Variants in CUX1 observed in about 807,000 individuals in gnomAD.
The protein encoded by CUX1 is cut like homeobox 1.
Under a neutral mutation model 158.8 loss-of-function variants are expected in CUX1, and 31 were observed. That is an observed-to-expected ratio of 0.20 (90% CI 0.15 to 0.26). The LOEUF (loss-of-function observed/expected upper bound fraction) is 0.26. CUX1 is among the 10% of genes least tolerant of loss of function. The pLI is 1.00. For synonymous variants in CUX1, 879 were observed against 862.1 expected (o/e 1.02, Z -0.34); for missense variants, 1,589 against 2,014.6 (o/e 0.79, Z 4.04).
At chr7:102,098,726 T>G (rs974677686) in intron 5 of CUX1, among the ~76,000 whole-genome samples, 2 of 150,464 alleles carry the variant, frequency 1.3e-5, no homozygotes, top group Admixed American at 1.3e-4. Context: ...CTGCAAGCTC[T>G]GCCTCCCGGG....
At chr7:101,816,186 G>C (rs868087652), upstream of CUX1, 1,352 of 493,496 alleles carry the variant, frequency 2.7e-3, 12 homozygotes, top group African/African-American at 0.028. Context: ...CCCAGCCGCC[G>C]GGGGGCCCGC....
At chr7:102,002,347 T>G (rs1257909150) in intron 2 of CUX1, among the ~76,000 whole-genome samples, 1 of 152,174 alleles carries the variant, frequency 6.6e-6, no homozygotes, top group East Asian at 1.9e-4. Context: ...GTTGCAACTT[T>G]TGCACATCAC....
chr7:102,099,818 C>G (rs1166578020), intron 5 of CUX1, among the ~76,000 whole-genome samples: 1 of 152,034 alleles, frequency 6.6e-6, no homozygotes, highest in Non-Finnish European at 1.5e-5. Flanking sequence ...CAGGATTGTC[C>G]TTCCCTTCTC....
intron 14 of CUX1, among the ~76,000 whole-genome samples, chr7:102,271,877 C>T (rs1210615204): frequency 6.6e-6 from 1 of 152,182 alleles, no homozygotes; most frequent in Non-Finnish European, 1.5e-5. Context: ...CAAAAATTAA[C>T]TGGGCACGGT....
intron 1 of CUX1, among the ~76,000 whole-genome samples, chr7:101,853,943 C>T (rs903748161): frequency 2.0e-5 from 3 of 152,236 alleles, no homozygotes; most frequent in African/African-American, 7.2e-5. Context: ...GCCCGGCCTC[C>T]AAGTCCTGCA....
intron 20 of CUX1, among the ~76,000 whole-genome samples, chr7:102,221,257 T>C (rs1217490471): frequency 1.3e-5 from 2 of 152,274 alleles, no homozygotes; most frequent in Non-Finnish European, 2.9e-5. Context: ...TGTCATTTTG[T>C]TTCAGCAACT....
Position 102,203,459 on chromosome 7 carries a change from C to G in CUX1, c.2908-932C>G, listed in dbSNP as rs1463303991. On this transcript the variant is annotated intron_variant, in intron 18 of 23. Coordinates refer to ENST00000292535, the MANE Select transcript of CUX1 (RefSeq NM_181552.4). ...AATCCCGGTGGTGTCCGATGGCGAA[C>G]TTTGCCCTGATTTTGCAAAAGGTGA... is the stretch of plus-strand genomic sequence containing the variant. 3.9e-5 allele frequency among the ~76,000 whole-genome samples: 6 copies of G among 152,178 alleles called. No individual in the cohort carries two copies. In the East Asian group the frequency reaches 9.7e-4, roughly 24 times the overall value.
intron 10 of CUX1, among the ~76,000 whole-genome samples, chr7:102,175,367 C>A (rs976878215): frequency 1.3e-5 from 2 of 152,204 alleles, no homozygotes; most frequent in Non-Finnish European, 2.9e-5. Flanking sequence ...ATGGCCAGCA[C>A]CCCTCAGGGT....
chr7:101,848,297 G>A (rs976363167), intron 1 of CUX1, among the ~76,000 whole-genome samples: 1 of 151,964 alleles, frequency 6.6e-6, no homozygotes, highest in African/African-American at 2.4e-5. Flanking sequence ...ACCCAGCTCA[G>A]TTGGCATAAT....
At position 102,077,961 on chromosome 7, in the gene CUX1, T is replaced by C. The variant is rs1016025142; in HGVS notation, c.268+7544T>C. Among the ~76,000 whole-genome samples, 5 of 152,336 alleles carry C rather than the reference T, an allele frequency of 3.3e-5. No individual in the cohort carries two copies. In the East Asian group the frequency reaches 9.6e-4, roughly 29 times the overall value. ...TAGTAAAATATTCAACTTGCAATCT[T>C]AGTTTCTGAATAGGCCTTATTAATG... On this transcript the variant is annotated intron_variant, in intron 4 of 23. Coordinates refer to ENST00000292535, the MANE Select transcript of CUX1 (RefSeq NM_181552.4).
chr7:102,257,344 TTCTC>T lies in CUX1; in HGVS notation c.*8309_*8312del, dbSNP rs1554542394. On this transcript the variant is annotated 3_prime_UTR_variant, in exon 24 of 24. Coordinates refer to ENST00000292535, the MANE Select transcript of CUX1 (RefSeq NM_181552.4). ...ATTTTTCTCTAATTAGTCTATGCATTTCTCTCTCTCAAACCATCTTCTGCCTCTT... is the reference window on the plus strand; with the variant it reads ...ATTTTTCTCTAATTAGTCTATGCATTTCTCTCAAACCATCTTCTGCCTCTT... The T allele has an allele frequency of 2.0e-6, 2 of 984,814 alleles. No individual in the cohort carries two copies. Among genetic ancestry groups the T allele is most frequent in the Non-Finnish European group, 2.4e-6 (2 of 829,806 alleles). 61.0% of individuals were successfully genotyped at this position (984,814 alleles called of 1,614,324 possible).
In CUX1 at chr7:101,855,453, T is replaced by C. The variant is rs112870920; in HGVS notation, c.30+37784T>C. Among the ~76,000 whole-genome samples the C allele has an allele frequency of 3.5e-4, 53 of 152,290 alleles. 2 individuals carry two copies. Among genetic ancestry groups the C allele is most frequent in the African/African-American group, 1.2e-3 (49 of 41,566 alleles). ...GTTGATAAGGAAAATGAGGCCTAGG[T>C]AGGGACAGGCAGGATTTCACCTGAA... is the stretch of plus-strand genomic sequence containing the variant. On this transcript the variant is annotated intron_variant, in intron 1 of 23. Transcript: ENST00000292535.
chr7:102,002,328 G>A (rs2129277234), intron 2 of CUX1, among the ~76,000 whole-genome samples: 1 of 152,286 alleles, frequency 6.6e-6, no homozygotes, highest in East Asian at 1.9e-4. Flanking sequence ...TATATAGTGT[G>A]TGTGTGTGGT....
chr7:101,817,248 G>A (rs1399812393), upstream of CUX1: 4 of 984,646 alleles, frequency 4.1e-6, no homozygotes, highest in Non-Finnish European at 4.8e-6. The surrounding 1 kb of genome is among the most constrained non-coding windows in gnomAD (Gnocchi z 4.1). Flanking sequence ...ATCGCCGCGC[G>A]CCTGGGGGCT....
At chr7:102,268,675 C>T (rs1554545572) in intron 14 of CUX1, among the ~76,000 whole-genome samples, 1 of 152,140 alleles carries the variant, frequency 6.6e-6, no homozygotes, top group African/African-American at 2.4e-5. Flanking sequence ...CATGGTTCTG[C>T]AGGCTGTACC....
chr7:102,209,296 A>G (rs1421913099), intron 20 of CUX1, among the ~76,000 whole-genome samples: 1 of 152,150 alleles, frequency 6.6e-6, no homozygotes. Flanking sequence ...GGTGGATACA[A>G]CTGGTTCTGA....
chr7:102,010,886 G>A (rs958226207), intron 2 of CUX1, among the ~76,000 whole-genome samples: 12 of 152,074 alleles, frequency 7.9e-5, no homozygotes, highest in East Asian at 1.9e-4. Context: ...CGAGGTGGGC[G>A]GATCACCTGA....
chr7:101,867,962 T>C (rs1354212932), intron 1 of CUX1, among the ~76,000 whole-genome samples: 1 of 152,084 alleles, frequency 6.6e-6, no homozygotes, highest in Non-Finnish European at 1.5e-5. Context: ...CTGCCCGCCT[T>C]GGCCTCCTAA....
At chr7:101,899,577 A>C (rs1426733342) in intron 1 of CUX1, among the ~76,000 whole-genome samples, 3 of 152,140 alleles carry the variant, frequency 2.0e-5, no homozygotes, top group African/African-American at 7.2e-5. Context: ...AAGTCACAGG[A>C]GGCCCAGCAT....
Sources: allele counts gnomAD v4.1 joint callset (sites outside exome capture counted in the v4.1 genomes callset), GRCh38; gene constraint gnomAD v4.1.1; non-coding constraint Gnocchi (gnomAD v3.1); transcripts MANE v1.5; gene names NCBI Gene and HGNC (gene_info 2026-07-23, HGNC 2026-07-21).